The following ODF2 variants were observed in gnomAD, a reference collection of about 807,000 sequenced individuals.
ODF2 encodes the protein outer dense fiber of sperm tails 2, also known as outer dense fiber protein 2.
ODF2 carries 47 observed loss-of-function variants against 110.2 expected under a neutral mutation model. That is an observed-to-expected ratio of 0.43 (90% confidence interval 0.34 to 0.54). The LOEUF (loss-of-function observed/expected upper bound fraction) is 0.54. Among genes scored for constraint, ODF2 ranks in the 20% least tolerant of loss-of-function variants. ODF2 has a pLI of 0.03. For missense variants in ODF2, 812 were observed against 1,054.5 expected (o/e 0.77, Z 3.19); for synonymous variants, 352 against 397.7 (o/e 0.89, Z 1.37).
chr9:128,476,327 G>T lies in ODF2; in HGVS notation c.843+2586G>T, dbSNP rs1841249986. 1.3e-5 allele frequency among the ~76,000 whole-genome samples: 2 copies of T among 152,098 alleles called. 1 individual carries two copies. The highest frequency in any genetic ancestry group is 1.3e-4 in the Admixed American group (2 of 15,246). On this transcript the variant is annotated intron_variant, in intron 8 of 20. Transcript: ENST00000604420. Reference sequence around the variant, plus strand: ...TTATTTGAGACCGAGTTTCACTCTTGCCCAGGCTGGAGTGCAATGGCACAG... The same window carrying T: ...TTATTTGAGACCGAGTTTCACTCTTTCCCAGGCTGGAGTGCAATGGCACAG...
chr9:128,466,118 A>C (rs1271058586), intron 4 of ODF2, among the ~76,000 whole-genome samples: 1 of 151,928 alleles, frequency 6.6e-6, no homozygotes, highest in African/African-American at 2.4e-5. Context: ...CAGCCTGGGC[A>C]ACAAAGCGAG....
At chr9:128,497,481 A>ATATATATATATATG (rs1554857727) in intron 18 of ODF2, 5 of 116,678 alleles carry the variant, frequency 4.3e-5, no homozygotes, top group Non-Finnish European at 7.0e-5. Context: ...ATATATATAT[A>ATATATATATATATG]TATATGTATA....
intron 4 of ODF2, among the ~76,000 whole-genome samples, chr9:128,463,658 T>A (rs1035216525): frequency 6.6e-6 from 1 of 150,958 alleles, no homozygotes; most frequent in African/African-American, 2.4e-5. Context: ...ACATATAACA[T>A]TTGGCCGGCC....
intron 4 of ODF2, among the ~76,000 whole-genome samples, chr9:128,463,129 G>A (rs868817071): frequency 8.6e-5 from 13 of 151,998 alleles, no homozygotes; most frequent in African/African-American, 2.7e-4. Flanking sequence ...GGGTGTGGTG[G>A]CATGCGCTTG....
rs771102458 is a variant in ODF2, at chr9:128,499,076, C to T, written c.2251C>T (p.Leu751=). The T allele has an allele frequency of 2.5e-6, 4 of 1,614,058 alleles. No homozygotes were observed. The African/African-American group carries it at 4.0e-5, about 16-fold the overall frequency. Residue 751 remains leucine (L), a synonymous_variant, in exon 20 of 21, where the codon CTG becomes TTG. Transcript: ENST00000604420. ...CAAAATCCTGGACCTTGAGACCCAGCTGAGCAGAACCAAAACGGAATTGAG... is the reference window on the plus strand; with the variant it reads ...CAAAATCCTGGACCTTGAGACCCAGTTGAGCAGAACCAAAACGGAATTGAG...
chr9:128,480,991 C>T (rs1202693281), intron 8 of ODF2, among the ~76,000 whole-genome samples: 1 of 151,724 alleles, frequency 6.6e-6, no homozygotes, highest in East Asian at 1.9e-4. Flanking sequence ...GTATTCTGTA[C>T]AGTATTTTCA....
intron 8 of ODF2, among the ~76,000 whole-genome samples, chr9:128,474,660 A>G (rs921941414): frequency 1.5e-5 from 2 of 133,344 alleles, no homozygotes; most frequent in Non-Finnish European, 3.3e-5. Context: ...GACTCCATCT[A>G]AAAAAAAAAA....
intron 2 of ODF2, among the ~76,000 whole-genome samples, chr9:128,458,806 C>T (rs551671396): frequency 2.0e-5 from 3 of 152,158 alleles, no homozygotes; most frequent in East Asian, 1.9e-4. Flanking sequence ...AGTGACCTCT[C>T]GTGCCTGAGC....
upstream of ODF2, chr9:128,456,066 G>T: frequency 6.6e-7 from 1 of 1,515,584 alleles, no homozygotes; most frequent in Non-Finnish European, 8.9e-7. Context: ...AACCCAAGCG[G>T]CTCCCGGGGG....
intron 13 of ODF2, among the ~76,000 whole-genome samples, chr9:128,487,554 G>A (rs1242267524): frequency 2.6e-5 from 4 of 152,058 alleles, no homozygotes; most frequent in South Asian, 2.1e-4. Context: ...TTGGGAGGCC[G>A]AGGCGGGCAG....
chr9:128,496,318 C>T, intron 18 of ODF2, 177 bp downstream of exon 18: 1 of 1,475,034 alleles, frequency 6.8e-7, no homozygotes, highest in South Asian at 1.2e-5. Flanking sequence ...TGGGAGAGAG[C>T]AAGGGGGCCT....
chr9:128,489,192 G>A (rs1844034462), intron 14 of ODF2, among the ~76,000 whole-genome samples: 2 of 152,172 alleles, frequency 1.3e-5, no homozygotes, highest in South Asian at 4.1e-4. Context: ...CTGAGCAGAG[G>A]TTGACATTTC....
At chr9:128,493,625 C>T (rs1845056879) in intron 16 of ODF2, among the ~76,000 whole-genome samples, 1 of 152,088 alleles carries the variant, frequency 6.6e-6, no homozygotes, top group Non-Finnish European at 1.5e-5. Flanking sequence ...GGGCTGAGTC[C>T]AGGCTCAGCC....
At chr9:128,488,233 T>A (rs1245011228) in intron 14 of ODF2, among the ~76,000 whole-genome samples, 1 of 152,126 alleles carries the variant, frequency 6.6e-6, no homozygotes, top group Non-Finnish European at 1.5e-5. Flanking sequence ...GAGACCAGCC[T>A]GGGCAACATG....
intron 6 of ODF2, among the ~76,000 whole-genome samples, chr9:128,472,151 G>T (rs1288113791): frequency 6.6e-6 from 1 of 151,986 alleles, no homozygotes; most frequent in African/African-American, 2.4e-5. Flanking sequence ...GTCGCGGCGG[G>T]CGCCTATAAT....
intron 13 of ODF2, among the ~76,000 whole-genome samples, 154 bp from the exon 14 acceptor site, chr9:128,487,736 A>G (rs1843651771): frequency 6.6e-6 from 1 of 151,784 alleles, no homozygotes; most frequent in African/African-American, 2.4e-5. Context: ...GCAGTGAGCC[A>G]AGATCGCGCC....
At chr9:128,499,775 A>G (rs1846253333) in intron 20 of ODF2, among the ~76,000 whole-genome samples, 1 of 151,876 alleles carries the variant, frequency 6.6e-6, no homozygotes, top group African/African-American at 2.4e-5. Context: ...ACACCCAGCT[A>G]ATTTTTGTAT....
intron 17 of ODF2, among the ~76,000 whole-genome samples, chr9:128,495,040 T>G (rs1588992445): frequency 1.3e-5 from 2 of 152,218 alleles, no homozygotes; most frequent in African/African-American, 4.8e-5. Flanking sequence ...TTTAGCTGCT[T>G]CTCCTGACTC....
intron 16 of ODF2, among the ~76,000 whole-genome samples, chr9:128,493,074 T>C (rs569745584): frequency 1.3e-5 from 2 of 151,790 alleles, no homozygotes; most frequent in African/African-American, 4.8e-5. Context: ...TCAATTTTCT[T>C]AAAATAACAA....
Sources: allele counts gnomAD v4.1 joint callset (sites outside exome capture counted in the v4.1 genomes callset), GRCh38; gene constraint gnomAD v4.1.1; transcripts MANE v1.5; gene names NCBI Gene and HGNC (gene_info 2026-07-23, HGNC 2026-07-21).